The following DCAF6 variants were observed in gnomAD, a reference collection of about 807,000 sequenced individuals.
The protein encoded by DCAF6 is DDB1 and CUL4 associated factor 6, also known as DDB1- and CUL4-associated factor 6.
A neutral mutation model predicts 125.1 loss-of-function variants in DCAF6; 54 were observed. That is an observed-to-expected ratio of 0.43 (90% CI 0.35 to 0.54). The LOEUF (loss-of-function observed/expected upper bound fraction) is 0.54. Ranked by LOEUF, DCAF6 falls within the 20% of genes least tolerant of loss-of-function variation. The pLI is 0.01. For missense variants in DCAF6, 934 were observed against 1,161.7 expected (o/e 0.80, Z 2.85); for synonymous variants, 371 against 390.4 (o/e 0.95, Z 0.58).
chr1:167,997,655 CAATG>C (rs1291915028), intron 7 of DCAF6, among the ~76,000 whole-genome samples: 1 of 151,682 alleles, frequency 6.6e-6, no homozygotes, highest in Non-Finnish European at 1.5e-5. Context: ...AAAAAAAAAT[CAATG>C]AATGCTGTTT....
chr1:167,964,051 T>C (rs1676024884), intron 2 of DCAF6, among the ~76,000 whole-genome samples: 1 of 152,242 alleles, frequency 6.6e-6, no homozygotes, highest in East Asian at 1.9e-4. Context: ...GTTGCTGTTA[T>C]TTTGAACAAT....
intron 17 of DCAF6, among the ~76,000 whole-genome samples, chr1:168,062,159 T>A (rs1691676324): frequency 1.3e-5 from 2 of 152,062 alleles, no homozygotes; most frequent in Non-Finnish European, 2.9e-5. Flanking sequence ...ATAAAAAAAA[T>A]GTATTATTCC....
chr1:167,934,659 A>G (rs1319920233), upstream of DCAF6, among the ~76,000 whole-genome samples: 1 of 152,246 alleles, frequency 6.6e-6, no homozygotes, highest in Non-Finnish European at 1.5e-5. Context: ...TCATAATCAG[A>G]TAATGGGGGA....
the DCAF6 span, among the ~76,000 whole-genome samples, chr1:167,915,000 T>C: frequency 1.3e-5 from 2 of 152,318 alleles, no homozygotes; most frequent in South Asian, 4.1e-4. Flanking sequence ...CTCATTTAAT[T>C]AAACAATCCC....
At chr1:167,941,837 T>C (rs1424685863) in intron 1 of DCAF6, among the ~76,000 whole-genome samples, 1 of 152,198 alleles carries the variant, frequency 6.6e-6, no homozygotes, top group African/African-American at 2.4e-5. Flanking sequence ...CGAACACTTT[T>C]AAATAGATAT....
intron 4 of DCAF6, among the ~76,000 whole-genome samples, chr1:167,987,293 A>G (rs1297530422): frequency 6.6e-6 from 1 of 152,208 alleles, no homozygotes; most frequent in African/African-American, 2.4e-5. Flanking sequence ...GTACTGAATC[A>G]TATTAATTCA....
chr1:167,959,473 C>T (rs1221268368), intron 2 of DCAF6, among the ~76,000 whole-genome samples: 2 of 152,198 alleles, frequency 1.3e-5, no homozygotes, highest in Non-Finnish European at 2.9e-5. Flanking sequence ...TATAAGAAAT[C>T]ACCATTTGTC....
chr1:167,942,311 G>C (rs755894714), intron 1 of DCAF6, among the ~76,000 whole-genome samples: 2 of 152,166 alleles, frequency 1.3e-5, no homozygotes, highest in African/African-American at 2.4e-5. Flanking sequence ...TGATTGACCT[G>C]CTTCGGCCTC....
chr1:167,886,317 C>T, the DCAF6 span, among the ~76,000 whole-genome samples: 493 of 152,264 alleles, frequency 3.2e-3, 1 homozygote, highest in Non-Finnish European at 4.9e-3. Context: ...GCTACAGTAA[C>T]CAAAACAGCA....
chr1:167,987,359 G>A (rs112252909), intron 4 of DCAF6, 136 bp from the exon 5 acceptor site: 39 of 526,428 alleles, frequency 7.4e-5, no homozygotes, highest in Non-Finnish European at 1.3e-4. Flanking sequence ...TCATAGTATG[G>A]GTAAGCCATG....
chr1:167,904,082 CTTTTTTTT>C, the DCAF6 span: 6 of 363,256 alleles, frequency 1.7e-5, no homozygotes, highest in South Asian at 2.3e-5. Flanking sequence ...CGGGCCTCAG[CTTTTTTTT>C]TTTTTTTTTT....
intron 1 of DCAF6, among the ~76,000 whole-genome samples, chr1:167,950,180 T>A (rs1673708808): frequency 6.8e-6 from 1 of 147,694 alleles, no homozygotes; most frequent in Admixed American, 6.8e-5. Flanking sequence ...TGACAAAGTT[T>A]CCAATACTTT....
intron 1 of DCAF6, among the ~76,000 whole-genome samples, chr1:167,940,384 G>A (rs968223206): frequency 6.6e-6 from 1 of 152,072 alleles, no homozygotes; most frequent in South Asian, 2.1e-4. Context: ...GTGGGAGGCG[G>A]GGGGCAGGGT....
chr1:167,892,677 T>C, the DCAF6 span, among the ~76,000 whole-genome samples: 1 of 152,088 alleles, frequency 6.6e-6, no homozygotes, highest in Admixed American at 6.6e-5. Flanking sequence ...GTTTTTACAA[T>C]GGGCTGAAGG....
rs145041786 is a variant in DCAF6, at chr1:168,043,556, A to T, written c.1843+416A>T. Among the ~76,000 whole-genome samples the T allele has an allele frequency of 3.4e-4, 52 of 152,326 alleles. No individual in the cohort carries two copies. In the East Asian group the frequency reaches 8.9e-3, roughly 26 times the overall value. ...GAATCTATTTAATACCTGAAGTGCC[A>T]CTTAAGGGATTTTTCAGAACCCTTT... On this transcript the variant is annotated intron_variant, in intron 14 of 21. Transcript: ENST00000367840.
the DCAF6 span, among the ~76,000 whole-genome samples, chr1:167,891,112 C>A: frequency 1.3e-5 from 2 of 151,994 alleles, no homozygotes; most frequent in Admixed American, 6.5e-5. Context: ...CAGGTGTGTG[C>A]CACCGCGCCT....
rs747897025 is a variant in DCAF6 at position 167,937,019 on chromosome 1, G to A, written c.97+11G>A. On this transcript the variant is annotated intron_variant, in intron 1 of 21. Coordinates refer to ENST00000367840, the MANE Select transcript of DCAF6 (RefSeq NM_001198956.2). Reference sequence around the variant, plus strand: ...GGAGTCGCTACCTGGGTGAGCGGGGGCCCCGGGGCGGAGGCGCTGAGGTCG... The same window carrying A: ...GGAGTCGCTACCTGGGTGAGCGGGGACCCCGGGGCGGAGGCGCTGAGGTCG... The A allele has an allele frequency of 1.7e-5, 28 of 1,602,404 alleles. No homozygotes were observed. Among genetic ancestry groups the A allele is most frequent in the East Asian group, 2.2e-5 (1 of 44,520 alleles).
chr1:167,879,997 T>C, the DCAF6 span: 12 of 870,616 alleles, frequency 1.4e-5, no homozygotes, highest in Admixed American at 2.0e-5. Flanking sequence ...TGGAAGACTC[T>C]AAAGTTTCTG....
chr1:167,975,584 C>A (rs1678026496), intron 4 of DCAF6, among the ~76,000 whole-genome samples: 1 of 152,212 alleles, frequency 6.6e-6, no homozygotes, highest in Admixed American at 6.5e-5. Flanking sequence ...GTCACACTGT[C>A]ACTCACACTG....
Sources: allele counts gnomAD v4.1 joint callset (sites outside exome capture counted in the v4.1 genomes callset), GRCh38; gene constraint gnomAD v4.1.1; transcripts MANE v1.5; gene names NCBI Gene and HGNC (gene_info 2026-07-23, HGNC 2026-07-21).